Variants in UHRF1 observed in about 807,000 individuals in gnomAD.
The protein encoded by UHRF1 is E3 ubiquitin-protein ligase UHRF1.
In UHRF1, 9 loss-of-function variants were observed where a neutral mutation model predicts 96.5. That is an observed-to-expected ratio of 0.09 (90% CI 0.06 to 0.16). The LOEUF (loss-of-function observed/expected upper bound fraction) is 0.16. UHRF1 is among the 10% of genes least tolerant of loss of function. UHRF1 has a pLI of 1.00. For synonymous variants in UHRF1, 455 were observed against 469.9 expected (o/e 0.97, Z 0.41); for missense variants, 626 against 1,131.1 (o/e 0.55, Z 6.40).
At position 4,947,173 on chromosome 19, in the gene UHRF1, G is replaced by A. The variant is rs1312323022; in HGVS notation, c.1479G>A (p.Ala493=). The A allele has an allele frequency of 1.7e-5, 27 of 1,613,630 alleles. No individual in the cohort carries two copies. Among genetic ancestry groups the A allele is most frequent in the African/African-American group, 2.7e-5 (2 of 74,850 alleles). ...ATCTTTCCGGCAACAAGAGGACCGC[G>A]GAACAGTCTTGTGATCAGAAACTCA... is the stretch of plus-strand genomic sequence containing the variant. ...GRDLSGNKRT[A]EQSCDQKLTN... Residue 493 remains alanine, a synonymous_variant, in exon 11 of 17, where the codon GCG becomes GCA. Coordinates refer to ENST00000650932, the MANE Select transcript of UHRF1 (RefSeq NM_001048201.3).
chr19:4,935,664 C>T (rs1220529367), intron 5 of UHRF1, among the ~76,000 whole-genome samples: 1 of 151,966 alleles, frequency 6.6e-6, no homozygotes, highest in East Asian at 1.9e-4. Context: ...CAAGGGAGGT[C>T]TTCAGCTAGT....
At chr19:4,905,404 C>T (rs2032046234), upstream of UHRF1, among the ~76,000 whole-genome samples, 1 of 151,670 alleles carries the variant, frequency 6.6e-6, no homozygotes, top group African/African-American at 2.4e-5. Context: ...CAGGTGTGAG[C>T]CACCACACCC....
chr19:4,921,056 G>A (rs1177892106), intron 2 of UHRF1, among the ~76,000 whole-genome samples: 4 of 151,822 alleles, frequency 2.6e-5, no homozygotes, highest in African/African-American at 9.7e-5. Flanking sequence ...CCCAGGAGGC[G>A]GAGGTCACAG....
intron 5 of UHRF1, among the ~76,000 whole-genome samples, chr19:4,934,109 C>T (rs925839637): frequency 2.6e-4 from 39 of 151,580 alleles, no homozygotes; most frequent in Non-Finnish European, 4.9e-4. Flanking sequence ...CTGCAGCCTC[C>T]GCCTTCCAGG....
At chr19:4,922,025 G>T (rs758998322) in intron 2 of UHRF1, among the ~76,000 whole-genome samples, 23 of 152,016 alleles carry the variant, frequency 1.5e-4, no homozygotes, top group Non-Finnish European at 3.1e-4. Flanking sequence ...GTGAGATTTC[G>T]GCTCACTGCC....
At position 4,954,511 on chromosome 19, in the gene UHRF1, G is replaced by T; in HGVS notation, c.1957+23G>T. On this transcript the variant is annotated intron_variant, in intron 14 of 16. Transcript: ENST00000650932. This position sits in a 1 kb window ranked among gnomAD's most constrained non-coding sequence, Gnocchi z 5.9. ...CAGGTGAGAATCTCGTGGGTGTGGG[G>T]TGAGCGTCTTGTGTGTGGGGGAGCA... 1 of 1,599,468 alleles carries T rather than the reference G, an allele frequency of 6.3e-7. No homozygotes were observed. Among genetic ancestry groups the T allele is most frequent in the Non-Finnish European group, 8.5e-7 (1 of 1,170,364 alleles).
intron 2 of UHRF1, among the ~76,000 whole-genome samples, chr19:4,928,108 C>T (rs1394758907): frequency 6.6e-6 from 1 of 152,078 alleles, no homozygotes; most frequent in Admixed American, 6.6e-5. Flanking sequence ...CTTCACACCC[C>T]CCCACCCCAT....
chr19:4,935,334 C>A (rs1431190178), intron 5 of UHRF1, among the ~76,000 whole-genome samples: 2 of 152,184 alleles, frequency 1.3e-5, no homozygotes, highest in Non-Finnish European at 2.9e-5. Context: ...TAAGATGTGC[C>A]TGTGCTCGTT....
At chr19:4,922,085 T>C (rs1028784654) in intron 2 of UHRF1, among the ~76,000 whole-genome samples, 1 of 152,136 alleles carries the variant, frequency 6.6e-6, no homozygotes, top group Non-Finnish European at 1.5e-5. Context: ...TAGCTGGAAT[T>C]ACAGGCGTGC....
At chr19:4,910,721 G>A in intron 1 of UHRF1, 155 bp from the exon 2 acceptor site, 1 of 780,858 alleles carries the variant, frequency 1.3e-6, no homozygotes, top group Non-Finnish European at 1.9e-6. Flanking sequence ...GTCTGGTCCT[G>A]GCCAGGGTCT....
Position 4,949,783 on chromosome 19 carries a change from C to T in UHRF1, c.1518-828C>T, listed in dbSNP as rs559553682. On this transcript the variant is annotated intron_variant, in intron 11 of 16. Coordinates refer to ENST00000650932, the MANE Select transcript of UHRF1 (RefSeq NM_001048201.3). Reference sequence around the variant, plus strand: ...GCCCAGGAGGCTGCAGTGAGTAAGGCGTGATCATGCCATTGCATTCCAGCC... The same window carrying T: ...GCCCAGGAGGCTGCAGTGAGTAAGGTGTGATCATGCCATTGCATTCCAGCC... 2.0e-4 allele frequency among the ~76,000 whole-genome samples: 31 copies of T among 152,062 alleles called. No individual in the cohort carries two copies. In the South Asian group the frequency reaches 5.2e-3, roughly 25 times the overall value.
Position 4,917,938 on chromosome 19 carries a change from A to G in UHRF1, c.153+6900A>G, listed in dbSNP as rs114277374. On this transcript the variant is annotated intron_variant, in intron 2 of 16. Coordinates refer to ENST00000650932, the MANE Select transcript of UHRF1 (RefSeq NM_001048201.3). ...GGCCTTCTGAGTAGTTGGGACTACA[A>G]GCATGAGCTATTGGGCCTGGCCTAG... 3.6e-3 allele frequency among the ~76,000 whole-genome samples: 553 copies of G among 151,992 alleles called. 2 individuals carry two copies. The highest frequency in any genetic ancestry group is 0.013 in the African/African-American group (520 of 41,468).
At position 4,947,168 on chromosome 19, in the gene UHRF1, A is replaced by G; in HGVS notation, c.1474A>G (p.Thr492Ala). Residue 492 changes from threonine to alanine, a missense_variant, in exon 11 of 17, where the codon ACC becomes GCC. Transcript: ENST00000650932. ...TCGAGATCTTTCCGGCAACAAGAGGACCGCGGAACAGTCTTGTGATCAGAA... is the reference window on the plus strand; with the variant it reads ...TCGAGATCTTTCCGGCAACAAGAGGGCCGCGGAACAGTCTTGTGATCAGAA... ...GGRDLSGNKRTAEQSCDQKLT... is the reference protein window; with the variant it reads ...GGRDLSGNKRAAEQSCDQKLT... The G allele has an allele frequency of 6.2e-7, 1 of 1,613,232 alleles. No individual in the cohort carries two copies. The highest frequency in any genetic ancestry group is 8.5e-7 in the Non-Finnish European group (1 of 1,179,600).
intron 2 of UHRF1, among the ~76,000 whole-genome samples, chr19:4,916,966 A>T (rs1352950730): frequency 6.6e-6 from 1 of 151,974 alleles, no homozygotes; most frequent in Admixed American, 6.6e-5. Flanking sequence ...ACTGCTCCCC[A>T]AACCCGGTGG....
At chr19:4,926,305 C>T (rs372431116) in intron 2 of UHRF1, among the ~76,000 whole-genome samples, 5 of 152,166 alleles carry the variant, frequency 3.3e-5, no homozygotes, top group African/African-American at 9.7e-5. Flanking sequence ...CCTCTCCATC[C>T]GTGCCACCTC....
intron 2 of UHRF1, among the ~76,000 whole-genome samples, chr19:4,927,889 C>T (rs1485609860): frequency 6.6e-6 from 1 of 152,220 alleles, no homozygotes; most frequent in Non-Finnish European, 1.5e-5. Context: ...CCTGCTCGCA[C>T]CAGGCACGGG....
intron 11 of UHRF1, among the ~76,000 whole-genome samples, chr19:4,949,402 G>A (rs2033656957): frequency 7.0e-6 from 1 of 142,640 alleles, no homozygotes; most frequent in African/African-American, 2.4e-5. Flanking sequence ...ATGTCTTTAG[G>A]AGACCTCTGG....
At chr19:4,905,185 C>T (rs1457855542), upstream of UHRF1, among the ~76,000 whole-genome samples, 5 of 136,976 alleles carry the variant, frequency 3.7e-5, no homozygotes, top group African/African-American at 1.1e-4. Context: ...GGTGTGATCT[C>T]GGCTCACTGC....
intron 2 of UHRF1, among the ~76,000 whole-genome samples, chr19:4,918,249 A>G (rs1174086412): frequency 1.3e-5 from 2 of 151,548 alleles, no homozygotes. Context: ...CCTCCCAAGT[A>G]GCTGGGGTTA....
Sources: gnomAD v4.1 joint callset for allele counts (sites outside exome capture counted in the v4.1 genomes callset) on GRCh38, gnomAD v4.1.1 for gene constraint, Gnocchi (gnomAD v3.1) non-coding constraint, MANE v1.5 for transcripts, NCBI Gene and HGNC (gene_info 2026-07-23, HGNC 2026-07-21) for gene names.